Variants in N4BP2 observed in about 807,000 individuals in gnomAD.
The protein encoded by N4BP2 is NEDD4-binding protein 2.
Under a neutral mutation model 152.8 loss-of-function variants are expected in N4BP2, and 91 were observed. The ratio of observed to expected loss-of-function variants is 0.60; its 90% CI spans 0.50 to 0.71. N4BP2 has a LOEUF of 0.71. Ranked by LOEUF, N4BP2 falls within the 30% of genes least tolerant of loss-of-function variation. N4BP2 has a pLI of 0.00. For missense variants in N4BP2, 1,923 were observed against 2,059.1 expected, an observed-to-expected ratio of 0.93 and a Z score of 1.28; for synonymous variants, 646 against 705.3, an observed-to-expected ratio of 0.92 and a Z score of 1.33.
rs1721724111 is a variant in N4BP2, at chr4:40,157,879, A to G, written c.*3642A>G. ...CTTTACAGAATTTAATAGAGAAACA[A>G]GGCTAGAACACATCTACATCCTGAA... On this transcript the variant is annotated 3_prime_UTR_variant, in exon 18 of 18. Transcript: ENST00000261435. The G allele has an allele frequency of 6.6e-6, 1 of 152,208 alleles. No homozygotes were observed. Among genetic ancestry groups the G allele is most frequent in the Admixed American group, 6.5e-5 (1 of 15,284 alleles). The allele number at this position is 152,208 out of a possible 1,614,324, so 9.4% of individuals were successfully genotyped here.
At chr4:40,091,572 A>G (rs1284646925) in intron 2 of N4BP2, among the ~76,000 whole-genome samples, 4 of 149,612 alleles carry the variant, frequency 2.7e-5, no homozygotes, top group African/African-American at 4.9e-5. Flanking sequence ...CCTTCCTGGA[A>G]TAAACCCCAT....
chr4:40,146,850 T>C (rs1286921266), intron 16 of N4BP2, among the ~76,000 whole-genome samples: 1 of 150,482 alleles, frequency 6.6e-6, no homozygotes, highest in Non-Finnish European at 1.5e-5. Flanking sequence ...ACCATTCTAT[T>C]ATGTTTCTAT....
intron 2 of N4BP2, among the ~76,000 whole-genome samples, chr4:40,092,008 TTATATATA>T (rs1221314746): frequency 0.026 from 702 of 27,192 alleles, 18 homozygotes; most frequent in East Asian, 0.07. Context: ...AAAAAAAAAA[TTATATATA>T]TATATATATA....
intron 3 of N4BP2, among the ~76,000 whole-genome samples, chr4:40,101,022 C>CT (rs1412323448): frequency 6.6e-6 from 1 of 152,194 alleles, no homozygotes; most frequent in African/African-American, 2.4e-5. Flanking sequence ...TGGGTTTACC[C>CT]TTTTTTCTCT....
At chr4:40,146,243 C>G (rs1410559532) in intron 16 of N4BP2, among the ~76,000 whole-genome samples, 1 of 150,608 alleles carries the variant, frequency 6.6e-6, no homozygotes, top group Non-Finnish European at 1.5e-5. Flanking sequence ...TTCTAAAATC[C>G]CTACATAATA....
chr4:40,151,397 A>G (rs1287602572), intron 16 of N4BP2, among the ~76,000 whole-genome samples: 2 of 151,952 alleles, frequency 1.3e-5, no homozygotes, highest in East Asian at 3.9e-4. Context: ...TCAGCTTCCC[A>G]AGTAGCTGGG....
At chr4:40,101,633 G>A (rs944713429) in intron 3 of N4BP2, among the ~76,000 whole-genome samples, 1 of 152,030 alleles carries the variant, frequency 6.6e-6, no homozygotes, top group African/African-American at 2.4e-5. Context: ...AATTCATAGC[G>A]TGGATCATGT....
intron 13 of N4BP2, among the ~76,000 whole-genome samples, chr4:40,136,081 T>A (rs986113002): frequency 1.3e-5 from 2 of 152,200 alleles, no homozygotes; most frequent in African/African-American, 4.8e-5. Context: ...AAGATATGAC[T>A]GAATAATGCA....
intron 16 of N4BP2, among the ~76,000 whole-genome samples, chr4:40,151,427 A>G (rs1721143707): frequency 6.6e-6 from 1 of 151,902 alleles, no homozygotes; most frequent in African/African-American, 2.4e-5. Context: ...GCGCCTCGCC[A>G]TGCCCTGCTA....
Position 40,120,551 on chromosome 4 carries a change from C to G in N4BP2, c.2440C>G (p.Gln814Glu). 6.2e-7 allele frequency: 1 copy of G among 1,613,982 alleles called. No individual in the cohort carries two copies. Among genetic ancestry groups the G allele is most frequent in the East Asian group, 2.2e-5 (1 of 44,886 alleles). ...NRKTEKTSSVQSDKKYNYPQS... is the reference protein window; with the variant it reads ...NRKTEKTSSVESDKKYNYPQS... ...AAAAACTGAAAAAACTTCATCCGTA[C>G]AAAGCGACAAAAAGTATAATTACCC... Residue 814 changes from glutamine to glutamate, a missense_variant, in exon 9 of 18, where the codon CAA (glutamine) becomes GAA (glutamate). By Grantham distance (29) the Gln-to-Glu change is conservative. Transcript: ENST00000261435.
chr4:40,120,065 T>C lies in N4BP2; in HGVS notation c.1954T>C (p.Tyr652His). The part of the protein sequence containing the change: ...KETMLPENVA[Y>H]LSNADLNKRR... ...AACAATGTTACCTGAGAATGTTGCA[T>C]ATCTCTCTAATGCAGATTTAAACAA... is the stretch of plus-strand genomic sequence containing the variant. Residue 652 changes from tyrosine to histidine, a missense_variant, in exon 9 of 18, where the codon TAT (tyrosine) becomes CAT (histidine). By Grantham distance (83) the Tyr-to-His change is moderately conservative. Transcript: ENST00000261435. 6.2e-7 allele frequency: 1 copy of C among 1,611,544 alleles called. No homozygotes were observed. Among genetic ancestry groups the C allele is most frequent in the Non-Finnish European group, 8.5e-7 (1 of 1,178,082 alleles).
intron 1 of N4BP2, among the ~76,000 whole-genome samples, chr4:40,070,905 A>G (rs1465608161): frequency 6.7e-6 from 1 of 149,638 alleles, no homozygotes; most frequent in East Asian, 2.0e-4. Context: ...GCTCACTGCA[A>G]CCTCCTTCTC....
chr4:40,152,644 C>T, intron 16 of N4BP2, 136 bp from the exon 17 acceptor site: 1 of 801,838 alleles, frequency 1.2e-6, no homozygotes, highest in Non-Finnish European at 2.0e-6. Flanking sequence ...ATCTGTCTTA[C>T]TATTACAGTT....
chr4:40,137,113 G>A (rs368693476), intron 14 of N4BP2, 31 bp downstream of exon 14: 4 of 1,525,490 alleles, frequency 2.6e-6, no homozygotes, highest in African/African-American at 2.8e-5. Context: ...TTTCTACAAG[G>A]GTAGATAATT....
chr4:40,057,202 C>G (rs1408792480), intron 1 of N4BP2, 172 bp downstream of exon 1: 3 of 152,286 alleles, frequency 2.0e-5, no homozygotes, highest in Admixed American at 1.3e-4. Context: ...TCCGATCTGA[C>G]CCGCGGGCCC....
chr4:40,118,888 C>T (rs1717598723), intron 8 of N4BP2, among the ~76,000 whole-genome samples: 2 of 152,084 alleles, frequency 1.3e-5, no homozygotes, highest in African/African-American at 4.8e-5. Context: ...AACTGACAGA[C>T]AGAGTAAAGA....
chr4:40,132,063 G>A, intron 13 of N4BP2, 144 bp downstream of exon 13: 1 of 622,638 alleles, frequency 1.6e-6, no homozygotes. Context: ...CCCACAGTGG[G>A]TGCATGAAAC....
chr4:40,108,557 A>G (rs1289859160), intron 5 of N4BP2, among the ~76,000 whole-genome samples: 1 of 149,930 alleles, frequency 6.7e-6, no homozygotes, highest in Admixed American at 6.6e-5. Context: ...CTTGTGATTC[A>G]CCTGCCTCGG....
At chr4:40,075,168 T>C (rs1245334474) in intron 2 of N4BP2, among the ~76,000 whole-genome samples, 1 of 152,128 alleles carries the variant, frequency 6.6e-6, no homozygotes, top group Non-Finnish European at 1.5e-5. Flanking sequence ...TCAAGAAACA[T>C]TATTAGTTGT....
Sources: gnomAD v4.1 joint callset for allele counts (sites outside exome capture counted in the v4.1 genomes callset) on GRCh38, gnomAD v4.1.1 for gene constraint, MANE v1.5 for transcripts, NCBI Gene and HGNC (gene_info 2026-07-23, HGNC 2026-07-21) for gene names.